PROS1: variants seen among roughly 807,000 people sequenced by gnomAD.
PROS1 encodes the protein protein S.
Under a neutral mutation model 75.9 loss-of-function variants are expected in PROS1, and 29 were observed. The observed-to-expected ratio is 0.38, with a 90% confidence interval of 0.28 to 0.52. The LOEUF (loss-of-function observed/expected upper bound fraction) is 0.52, where lower values mean the gene tolerates loss of function less well. PROS1 is among the 20% of genes least tolerant of loss of function. The pLI is 0.83. For missense variants in PROS1, 680 were observed against 810.3 expected, an observed-to-expected ratio of 0.84 and a Z score of 1.95; for synonymous variants, 245 against 280.6, an observed-to-expected ratio of 0.87 and a Z score of 1.27.
intron 2 of PROS1, among the ~76,000 whole-genome samples, chr3:93,926,906 C>T (rs893274037): frequency 1.3e-5 from 2 of 150,884 alleles, no homozygotes; most frequent in Non-Finnish European, 1.5e-5. Flanking sequence ...GCCTAAAAAG[C>T]CCATTTTCCT....
intron 12 of PROS1, 56 bp from the exon 13 acceptor site, chr3:93,879,370 A>C: frequency 6.4e-7 from 1 of 1,568,348 alleles, no homozygotes; most frequent in South Asian, 1.1e-5. Context: ...GTGCATCAGA[A>C]GGAATTATTA....
At chr3:93,955,406 A>T (rs933831983) in intron 1 of PROS1, among the ~76,000 whole-genome samples, 1 of 152,246 alleles carries the variant, frequency 6.6e-6, no homozygotes, top group African/African-American at 2.4e-5. Flanking sequence ...ATAAAAAAGG[A>T]TGAGTTCATA....
chr3:93,874,511 C>G, intron 14 of PROS1, 106 bp from the exon 15 acceptor site: 3 of 1,454,792 alleles, frequency 2.1e-6, no homozygotes, highest in Non-Finnish European at 2.8e-6. Flanking sequence ...AATTCTAATC[C>G]TAAAGGAAAA....
Position 93,906,108 on chromosome 3 carries a change from C to A in PROS1, c.382G>T (p.Glu128Ter). ...TCTTTGCAGCTCATATATCCATCTT[C>A]ATTGCATGGCAGAGGACTACACTGG... ...PDQCSPLPCN[E>*]DGYMSCKDGK... The change falls in exon 5 of 15, where the codon GAA becomes TAA. Residue 128 changes from glutamate (E) to a stop codon, truncating the protein, a stop_gained. Transcript: ENST00000394236. LOFTEE classifies it high-confidence loss of function. The A allele has an allele frequency of 6.2e-7, 1 of 1,613,956 alleles. No individual in the cohort carries two copies.
intron 3 of PROS1, among the ~76,000 whole-genome samples, chr3:93,911,406 C>G (rs1413074009): frequency 6.6e-6 from 1 of 152,178 alleles, no homozygotes; most frequent in East Asian, 1.9e-4. Context: ...ATATGTATTA[C>G]TTCATTGTTC....
At chr3:93,959,619 C>A (rs1012267977) in intron 1 of PROS1, among the ~76,000 whole-genome samples, 30 of 152,168 alleles carry the variant, frequency 2.0e-4, no homozygotes, top group African/African-American at 7.2e-4. Flanking sequence ...ACCTGAAAGT[C>A]TTGTTTAAAT....
intron 1 of PROS1, among the ~76,000 whole-genome samples, chr3:93,947,413 T>C (rs1415414045): frequency 1.3e-5 from 2 of 151,940 alleles, no homozygotes; most frequent in Admixed American, 6.6e-5. Context: ...GCCCTTAAAA[T>C]AAAACCTAAA....
chr3:93,944,482 G>A (rs897984556), intron 1 of PROS1, among the ~76,000 whole-genome samples: 1 of 152,072 alleles, frequency 6.6e-6, no homozygotes, highest in Non-Finnish European at 1.5e-5. Context: ...AATCAAACTA[G>A]AACTCAGGAT....
At chr3:93,947,758 G>T (rs1048925680) in intron 1 of PROS1, among the ~76,000 whole-genome samples, 7 of 151,758 alleles carry the variant, frequency 4.6e-5, no homozygotes, top group African/African-American at 1.7e-4. Flanking sequence ...TAGTAGAGAT[G>T]GGGTTTCACC....
chr3:93,932,149 A>C (rs1199718956), intron 1 of PROS1, among the ~76,000 whole-genome samples: 1 of 152,240 alleles, frequency 6.6e-6, no homozygotes, highest in Non-Finnish European at 1.5e-5. Flanking sequence ...GCAATATCTA[A>C]AAGTTCCATT....
At chr3:93,954,666 T>G (rs1263992944) in intron 1 of PROS1, among the ~76,000 whole-genome samples, 2 of 152,084 alleles carry the variant, frequency 1.3e-5, no homozygotes, top group African/African-American at 4.8e-5. Flanking sequence ...ATAGGCATGG[T>G]CAAGGACTTC....
chr3:93,879,432 T>C, intron 12 of PROS1, 118 bp from the exon 13 acceptor site: 1 of 1,373,722 alleles, frequency 7.3e-7, no homozygotes, highest in Admixed American at 1.7e-5. Flanking sequence ...ACTATTTCCA[T>C]TCCCTTTCTC....
chr3:93,948,277 TA>T (rs35649343), intron 1 of PROS1, among the ~76,000 whole-genome samples: 96 of 139,584 alleles, frequency 6.9e-4, no homozygotes, highest in South Asian at 6.9e-4. Flanking sequence ...CTGCCATCCA[TA>T]AAAAAAAAAA....
At chr3:93,881,629 G>C (rs973500572) in intron 12 of PROS1, among the ~76,000 whole-genome samples, 5 of 137,594 alleles carry the variant, frequency 3.6e-5, no homozygotes, top group Non-Finnish European at 7.6e-5. Context: ...ATAAGATCCT[G>C]GCTCTCTGCT....
Position 93,884,752 on chromosome 3 carries a change from T to C in PROS1, c.1468A>G (p.Ile490Val). The C allele has an allele frequency of 6.2e-7, 1 of 1,613,768 alleles. No individual in the cohort carries two copies. The highest frequency in any genetic ancestry group is 8.5e-7 in the Non-Finnish European group (1 of 1,179,850). Residue 490 changes from isoleucine (I) to valine (V), a missense_variant, in exon 12 of 15, where the codon ATT becomes GTT. Ile to Val is a conservative substitution (Grantham distance 29). Transcript: ENST00000394236. ...EKGSYYPGSG[I>V]AQFHIDYNNV... is the part of the protein sequence containing the mutation. ...CTATAATCTATGTGAAATTGAGCAA[T>C]TCCAGAACCAGGATAGTAGGAGCCC...
intron 12 of PROS1, among the ~76,000 whole-genome samples, chr3:93,880,506 C>CA (rs550598147): frequency 1.1e-3 from 160 of 141,706 alleles, no homozygotes; most frequent in Admixed American, 2.4e-3. Flanking sequence ...ACTCTGTCTC[C>CA]AAAAAAAAAA....
At chr3:93,934,418 C>T (rs539825686) in intron 1 of PROS1, among the ~76,000 whole-genome samples, 4 of 152,266 alleles carry the variant, frequency 2.6e-5, no homozygotes, top group Admixed American at 2.6e-4. Context: ...TAGGGATTCA[C>T]CAACTATTAT....
chr3:93,930,204 A>G (rs1479779943), intron 1 of PROS1, among the ~76,000 whole-genome samples: 1 of 152,218 alleles, frequency 6.6e-6, no homozygotes, highest in African/African-American at 2.4e-5. Context: ...GTCAAGGCAG[A>G]ACGTATATAA....
At chr3:93,909,013 T>C (rs1708715976) in intron 4 of PROS1, among the ~76,000 whole-genome samples, 1 of 152,174 alleles carries the variant, frequency 6.6e-6, no homozygotes, top group South Asian at 2.1e-4. Context: ...AACACACTGG[T>C]ATGTTCAAAG....
Sources: gnomAD v4.1 joint callset for allele counts (sites outside exome capture counted in the v4.1 genomes callset) on GRCh38, gnomAD v4.1.1 for gene constraint, MANE v1.5 for transcripts, NCBI Gene and HGNC (gene_info 2026-07-23, HGNC 2026-07-21) for gene names.